PRKCE: variants seen among roughly 807,000 people sequenced by gnomAD.
PRKCE encodes the protein protein kinase C epsilon.
PRKCE carries 16 observed loss-of-function variants against 85.4 expected under a neutral mutation model. The observed-to-expected ratio is 0.19, with a 90% CI of 0.13 to 0.28. PRKCE has a LOEUF of 0.28. Ranked by LOEUF, PRKCE falls within the 10% of genes least tolerant of loss-of-function variation. PRKCE has a pLI of 1.00. For missense variants in PRKCE, 573 were observed against 975.2 expected (o/e 0.59, Z 5.49); for synonymous variants, 388 against 371.5 (o/e 1.04, Z -0.51).
At chr2:45,745,209 C>T (rs1050887389) in intron 1 of PRKCE, among the ~76,000 whole-genome samples, 1 of 152,104 alleles carries the variant, frequency 6.6e-6, no homozygotes, top group African/African-American at 2.4e-5. Context: ...TGTGTATTCC[C>T]CTCCTTCCTG....
chr2:46,167,240 T>C (rs1172499650), intron 14 of PRKCE, among the ~76,000 whole-genome samples: 1 of 152,188 alleles, frequency 6.6e-6, no homozygotes, highest in Non-Finnish European at 1.5e-5. Context: ...AAGTCACCAC[T>C]TCTCTCTGAG....
At chr2:45,961,975 G>A (rs954706176) in intron 2 of PRKCE, among the ~76,000 whole-genome samples, 48 of 152,284 alleles carry the variant, frequency 3.2e-4, no homozygotes, top group Non-Finnish European at 4.7e-4. Flanking sequence ...GATTACAGGC[G>A]TGAACCACCG....
chr2:45,697,891 T>G lies in PRKCE; in HGVS notation c.348+45443T>G, dbSNP rs571100655. The G allele has an allele frequency of 2.0e-3, 304 of 152,750 alleles. 4 individuals carry two copies. Among genetic ancestry groups the G allele is most frequent in the Non-Finnish European group, 3.4e-4 (23 of 68,040 alleles). 9.5% of individuals were successfully genotyped at this position (152,750 alleles called of 1,614,324 possible). ...TCTTTAATTGGATGTAGTTTTTTTT[T>G]ACATTGGAAGAAATTGAGAATATTA... On this transcript the variant is annotated intron_variant, in intron 1 of 14. Transcript: ENST00000306156. The surrounding 1 kb of genome is among the most constrained non-coding windows in gnomAD (Gnocchi z 4.2).
chr2:46,049,189 T>C (rs1325395151), intron 10 of PRKCE, among the ~76,000 whole-genome samples: 2 of 152,148 alleles, frequency 1.3e-5, no homozygotes, highest in Admixed American at 1.3e-4. Flanking sequence ...TTCCTAGACG[T>C]TTCCTTAGCG....
intron 11 of PRKCE, among the ~76,000 whole-genome samples, chr2:46,106,971 C>T (rs1485200630): frequency 6.6e-6 from 1 of 152,210 alleles, no homozygotes; most frequent in Non-Finnish European, 1.5e-5. Context: ...ACATTTTGCA[C>T]TCCATCTGGG....
rs886808872 is a variant in PRKCE at position 45,774,726 on chromosome 2, C to T, written c.349-68274C>T. 1.7e-4 allele frequency among the ~76,000 whole-genome samples: 26 copies of T among 152,144 alleles called. No individual in the cohort carries two copies. Among genetic ancestry groups the T allele is most frequent in the African/African-American group, 6.0e-4 (25 of 41,522 alleles). The stretch of plus-strand genomic sequence containing the variant: ...TTGCCTTCTGATAGATGAATCAAGC[C>T]GGGACGCCCAGTCACCCTGACTTTG... On this transcript the variant is annotated intron_variant, in intron 1 of 14. Transcript: ENST00000306156. The surrounding 1 kb of genome is among the most constrained non-coding windows in gnomAD (Gnocchi z 4.3).
At chr2:46,022,073 G>T (rs965117422) in intron 10 of PRKCE, among the ~76,000 whole-genome samples, 1 of 152,206 alleles carries the variant, frequency 6.6e-6, no homozygotes, top group Admixed American at 6.5e-5. Flanking sequence ...TTGGTGGGTG[G>T]TAGGTGCAAC....
intron 11 of PRKCE, among the ~76,000 whole-genome samples, chr2:46,097,633 T>A (rs1048308639): frequency 5.9e-5 from 9 of 152,080 alleles, no homozygotes; most frequent in African/African-American, 2.2e-4. Flanking sequence ...CTGGTCCCTA[T>A]GTGACCTGCT....
chr2:45,653,438 T>C (rs1675237825), intron 1 of PRKCE, among the ~76,000 whole-genome samples: 1 of 150,104 alleles, frequency 6.7e-6, no homozygotes, highest in Non-Finnish European at 1.5e-5. Context: ...ATGTGGATTT[T>C]TGTGTTTTCA....
At chr2:45,764,882 T>C (rs1335858194) in intron 1 of PRKCE, among the ~76,000 whole-genome samples, 1 of 152,246 alleles carries the variant, frequency 6.6e-6, no homozygotes, top group African/African-American at 2.4e-5. Flanking sequence ...TTATTCTTGT[T>C]CTTATGTCTC....
At chr2:45,811,542 T>C (rs1401132647) in intron 1 of PRKCE, among the ~76,000 whole-genome samples, 1 of 152,250 alleles carries the variant, frequency 6.6e-6, no homozygotes, top group African/African-American at 2.4e-5. Flanking sequence ...TGCGTTGTAA[T>C]TTTTCTTATT....
intron 2 of PRKCE, among the ~76,000 whole-genome samples, chr2:45,862,820 A>G (rs1298601241): frequency 6.6e-6 from 1 of 152,214 alleles, no homozygotes; most frequent in Non-Finnish European, 1.5e-5. Flanking sequence ...GTGTACACAC[A>G]TGCACCCATA....
intron 6 of PRKCE, among the ~76,000 whole-genome samples, chr2:45,993,946 A>C (rs1704017828): frequency 1.3e-5 from 2 of 151,152 alleles, no homozygotes; most frequent in South Asian, 2.1e-4. Context: ...ACCTCACCCC[A>C]CCCCCACCTT....
intron 1 of PRKCE, among the ~76,000 whole-genome samples, chr2:45,810,320 C>T (rs1390087383): frequency 1.3e-5 from 2 of 152,118 alleles, no homozygotes; most frequent in Non-Finnish European, 2.9e-5. Flanking sequence ...GGATTACAGG[C>T]GTGAACCACC....
chr2:45,948,279 C>T (rs1278003611), intron 2 of PRKCE, among the ~76,000 whole-genome samples: 1 of 152,052 alleles, frequency 6.6e-6, no homozygotes, highest in Non-Finnish European at 1.5e-5. Flanking sequence ...GAAATATTTC[C>T]AATATAGATG....
At chr2:46,074,597 C>T (rs61288139) in intron 10 of PRKCE, among the ~76,000 whole-genome samples, 73 of 152,294 alleles carry the variant, frequency 4.8e-4, no homozygotes, top group African/African-American at 1.8e-3. Context: ...AATCAGAACT[C>T]CAGCATGACC....
At chr2:45,713,573 T>C (rs1679843962) in intron 1 of PRKCE, among the ~76,000 whole-genome samples, 1 of 152,202 alleles carries the variant, frequency 6.6e-6, no homozygotes. Flanking sequence ...AAAATCATTC[T>C]TCATTTGAAG....
At chr2:45,875,947 G>T (rs6741044) in intron 2 of PRKCE, among the ~76,000 whole-genome samples, 7,890 of 152,218 alleles carry the variant, frequency 0.052, 698 homozygotes, top group African/African-American at 0.18. Context: ...CAGATGACGG[G>T]TTTTAGAATT....
intron 1 of PRKCE, among the ~76,000 whole-genome samples, chr2:45,744,530 CT>C (rs1682962729): frequency 2.4e-4 from 8 of 32,934 alleles, no homozygotes; most frequent in African/African-American, 7.5e-4. Context: ...CTTTCTTTTT[CT>C]TTCCTTCTTT....
Sources: gnomAD v4.1 joint callset for allele counts (sites outside exome capture counted in the v4.1 genomes callset) on GRCh38, gnomAD v4.1.1 for gene constraint, Gnocchi (gnomAD v3.1) non-coding constraint, MANE v1.5 for transcripts, NCBI Gene and HGNC (gene_info 2026-07-23, HGNC 2026-07-21) for gene names.